LRRTM4: variants seen among roughly 807,000 people sequenced by gnomAD.
LRRTM4 encodes leucine-rich repeat transmembrane neuronal protein 4.
In LRRTM4, 25 loss-of-function variants were observed where a neutral mutation model predicts 47.6. That is an observed-to-expected ratio of 0.53 (90% CI 0.38 to 0.73). The LOEUF (loss-of-function observed/expected upper bound fraction) is 0.73. Among genes scored for constraint, LRRTM4 ranks in the 30% least tolerant of loss-of-function variants. The pLI is 0.00. For synonymous variants in LRRTM4, 311 were observed against 269.5 expected, an observed-to-expected ratio of 1.15 and a Z score of -1.51; for missense variants, 638 against 713.4, an observed-to-expected ratio of 0.89 and a Z score of 1.20.
In LRRTM4 at chr2:76,779,387, T is replaced by A. The variant is rs181779828; in HGVS notation, c.1552-30471A>T. 1.3e-3 allele frequency among the ~76,000 whole-genome samples: 203 copies of A among 151,128 alleles called. 1 individual carries two copies. The highest frequency in any genetic ancestry group is 4.8e-3 in the African/African-American group (196 of 41,084). On this transcript the variant is annotated intron_variant, in intron 3 of 3. Transcript: ENST00000409884. ...GTTAAAGTCTCCCATTATTAATGTA[T>A]GGGAGTCTAAGTCTCTTTGTAGGTC...
At chr2:77,094,503 T>G (rs1670752970) in intron 3 of LRRTM4, among the ~76,000 whole-genome samples, 2 of 151,654 alleles carry the variant, frequency 1.3e-5, no homozygotes, top group Admixed American at 1.3e-4. Context: ...AAGCAGAGAG[T>G]ATAACACTCC....
chr2:76,985,249 T>C (rs1676752084), intron 3 of LRRTM4, among the ~76,000 whole-genome samples: 1 of 152,046 alleles, frequency 6.6e-6, no homozygotes, highest in Admixed American at 6.6e-5. Context: ...ATTAGAAAGA[T>C]GTAAAAGTTG....
intron 3 of LRRTM4, chr2:77,517,708 AG>A (rs1679267203): frequency 1.0e-6 from 1 of 972,126 alleles, no homozygotes; most frequent in Non-Finnish European, 1.2e-6. Context: ...AAAAAAAAAA[AG>A]AAAGAAGCCT....
At chr2:77,100,075 A>G (rs1363525159) in intron 3 of LRRTM4, among the ~76,000 whole-genome samples, 2 of 152,114 alleles carry the variant, frequency 1.3e-5, no homozygotes, top group African/African-American at 2.4e-5. Context: ...AAGTAACATG[A>G]AATGAATTTT....
At chr2:76,986,549 C>A (rs1295706592) in intron 3 of LRRTM4, among the ~76,000 whole-genome samples, 1 of 151,848 alleles carries the variant, frequency 6.6e-6, no homozygotes, top group Admixed American at 6.6e-5. Context: ...TGTGGCTAAT[C>A]TGAACATTTT....
At chr2:77,396,896 T>C (rs1573359252) in intron 3 of LRRTM4, among the ~76,000 whole-genome samples, 1 of 152,068 alleles carries the variant, frequency 6.6e-6, no homozygotes, top group South Asian at 2.1e-4. Flanking sequence ...ATTGCTACCA[T>C]CTTCTCTTAC....
At chr2:76,749,230 A>G (rs565839055) in intron 3 of LRRTM4, among the ~76,000 whole-genome samples, 2 of 152,304 alleles carry the variant, frequency 1.3e-5, no homozygotes, top group Non-Finnish European at 2.9e-5. Context: ...AAAATTGATT[A>G]TGTAGATCCT....
chr2:77,145,089 A>G (rs1672218939), intron 3 of LRRTM4, among the ~76,000 whole-genome samples: 1 of 152,172 alleles, frequency 6.6e-6, no homozygotes. Context: ...AAGAATGACA[A>G]CATGAATAGG....
At chr2:76,793,842 G>A (rs1675111584) in intron 3 of LRRTM4, among the ~76,000 whole-genome samples, 2 of 152,182 alleles carry the variant, frequency 1.3e-5, no homozygotes, top group Non-Finnish European at 2.9e-5. Flanking sequence ...CTGTGTTGCT[G>A]TAAGCCTGTA....
chr2:77,413,450 A>G (rs1017895863), intron 3 of LRRTM4, among the ~76,000 whole-genome samples: 4 of 152,180 alleles, frequency 2.6e-5, no homozygotes, highest in Non-Finnish European at 5.9e-5. Context: ...TTTCTTTTTC[A>G]GAAGCTACAG....
At chr2:76,771,982 G>A (rs1673732098) in intron 3 of LRRTM4, among the ~76,000 whole-genome samples, 1 of 152,158 alleles carries the variant, frequency 6.6e-6, no homozygotes, top group African/African-American at 2.4e-5. Context: ...TAGGGAGTAG[G>A]TATGACACAA....
chr2:76,902,996 C>A (rs962343821), intron 3 of LRRTM4, among the ~76,000 whole-genome samples: 3 of 152,140 alleles, frequency 2.0e-5, no homozygotes, highest in Non-Finnish European at 4.4e-5. Context: ...TAATTTTAAA[C>A]TGTCAATCAA....
intron 3 of LRRTM4, among the ~76,000 whole-genome samples, chr2:76,831,561 T>C (rs1231455236): frequency 6.6e-6 from 1 of 152,098 alleles, no homozygotes; most frequent in Admixed American, 6.6e-5. Context: ...CATCAGCCTA[T>C]AAAAAGATGT....
chr2:76,971,183 T>C (rs1042368361), intron 3 of LRRTM4, among the ~76,000 whole-genome samples: 10 of 152,012 alleles, frequency 6.6e-5, no homozygotes, highest in Non-Finnish European at 1.3e-4. Flanking sequence ...TAATAGAAGA[T>C]GTTTTTAAAG....
intron 2 of LRRTM4, among the ~76,000 whole-genome samples, chr2:77,520,544 G>A (rs76369782): frequency 0.017 from 2,525 of 152,148 alleles, 25 homozygotes; most frequent in South Asian, 0.03. Context: ...CCTGCCCAAC[G>A]ATACAGGAGC....
intron 3 of LRRTM4, among the ~76,000 whole-genome samples, chr2:77,495,822 TG>T (rs961824118): frequency 4.6e-5 from 7 of 152,064 alleles, no homozygotes; most frequent in Admixed American, 3.9e-4. Context: ...ACTCCAGCTT[TG>T]TTCTTCCTTT....
At chr2:77,046,742 A>T (rs1679249196) in intron 3 of LRRTM4, among the ~76,000 whole-genome samples, 1 of 152,014 alleles carries the variant, frequency 6.6e-6, no homozygotes, top group African/African-American at 2.4e-5. Context: ...GTCCCATAGT[A>T]TAGTCACACA....
At chr2:76,911,574 A>T (rs556010106) in intron 3 of LRRTM4, among the ~76,000 whole-genome samples, 1 of 152,250 alleles carries the variant, frequency 6.6e-6, no homozygotes, top group South Asian at 2.1e-4. Flanking sequence ...TGAATGGATC[A>T]TTGTGGGACT....
rs561109104 is a variant in LRRTM4, at chr2:77,097,241, A to T, written c.1552-348325T>A. ...TACTGGCATAATATTCAAATTATTA[A>T]TAATTATAATTCAGACAAAAGCTAC... On this transcript the variant is annotated intron_variant, in intron 3 of 3. Transcript: ENST00000409884. 2.0e-5 allele frequency among the ~76,000 whole-genome samples: 3 copies of T among 152,066 alleles called. No individual in the cohort carries two copies. In the East Asian group the frequency reaches 5.8e-4, roughly 29 times the overall value.
Sources: gnomAD v4.1 joint callset for allele counts (sites outside exome capture counted in the v4.1 genomes callset) on GRCh38, gnomAD v4.1.1 for gene constraint, MANE v1.5 for transcripts, NCBI Gene and HGNC (gene_info 2026-07-23, HGNC 2026-07-21) for gene names.